IL1RAP: variants seen among roughly 807,000 people sequenced by gnomAD.
The protein encoded by IL1RAP is interleukin-1 receptor accessory protein.
In IL1RAP, 35 loss-of-function variants were observed where a neutral mutation model predicts 60.7. That is an observed-to-expected ratio of 0.58 (90% CI 0.44 to 0.76). The LOEUF is 0.76. Among genes scored for constraint, IL1RAP ranks in the 30% least tolerant of loss-of-function variants. The pLI is 0.00. For missense variants in IL1RAP, 572 were observed against 693.9 expected, an observed-to-expected ratio of 0.82 and a Z score of 1.97; for synonymous variants, 268 against 250.9, an observed-to-expected ratio of 1.07 and a Z score of -0.64.
intron 4 of IL1RAP, among the ~76,000 whole-genome samples, chr3:190,605,612 G>T (rs1379513272): frequency 3.9e-5 from 6 of 152,074 alleles, no homozygotes; most frequent in Admixed American, 6.6e-5. Flanking sequence ...CCTTCTCACA[G>T]TTCTGGAGGC....
chr3:190,614,380 C>T (rs1322599654), intron 5 of IL1RAP, among the ~76,000 whole-genome samples: 2 of 151,890 alleles, frequency 1.3e-5, no homozygotes, highest in African/African-American at 4.8e-5. Flanking sequence ...AGTAATCACA[C>T]GGCAGCGTGC....
exon 12 of IL1RAP, chr3:190,656,691 C>T (rs919075945): frequency 1.3e-6 from 1 of 758,646 alleles, no homozygotes; most frequent in Non-Finnish European, 2.1e-6. Flanking sequence ...ACATTTTTAT[C>T]ATCTAATGGA....
chr3:190,521,884 A>G (rs1722051315), intron 1 of IL1RAP, among the ~76,000 whole-genome samples: 1 of 152,092 alleles, frequency 6.6e-6, no homozygotes, highest in African/African-American at 2.4e-5. Context: ...ATCACCGTTA[A>G]TCTCCATAGT....
At chr3:190,600,155 C>T (rs1225694346) in intron 3 of IL1RAP, among the ~76,000 whole-genome samples, 6 of 152,182 alleles carry the variant, frequency 3.9e-5, no homozygotes, top group African/African-American at 1.4e-4. Context: ...CCGTGATGCT[C>T]GTTAAACTTG....
At position 190,623,097 on chromosome 3, in the gene IL1RAP, C is replaced by A. The variant is rs73062240; in HGVS notation, c.704-247C>A. ...CTATTACCCCTGTCACACAGGAAATCACAGGGGATTTAGGAGCCCATGTCA... is the reference window on the plus strand; with the variant it reads ...CTATTACCCCTGTCACACAGGAAATAACAGGGGATTTAGGAGCCCATGTCA... On this transcript the variant is annotated intron_variant, in intron 6 of 11. Transcript: ENST00000447382. Among the ~76,000 whole-genome samples the A allele has an allele frequency of 2.4e-3, 367 of 152,284 alleles. 2 individuals are homozygous for A. Among genetic ancestry groups the A allele is most frequent in the African/African-American group, 8.6e-3 (356 of 41,574 alleles).
intron 2 of IL1RAP, among the ~76,000 whole-genome samples, chr3:190,561,371 T>G (rs966316993): frequency 1.3e-5 from 2 of 152,206 alleles, no homozygotes; most frequent in African/African-American, 4.8e-5. Flanking sequence ...CGTTTCCTTT[T>G]CAGTCTGCTT....
chr3:190,558,193 T>C (rs1156532280), intron 2 of IL1RAP, among the ~76,000 whole-genome samples: 2 of 152,204 alleles, frequency 1.3e-5, no homozygotes, highest in Non-Finnish European at 2.9e-5. Context: ...ACTTGTAGAA[T>C]GACAATTGAA....
At chr3:190,634,200 C>A (rs1381779499) in intron 9 of IL1RAP, among the ~76,000 whole-genome samples, 1 of 151,890 alleles carries the variant, frequency 6.6e-6, no homozygotes, top group African/African-American at 2.4e-5. Context: ...AATAAACCCT[C>A]ATATTGTCAT....
intron 3 of IL1RAP, among the ~76,000 whole-genome samples, chr3:190,587,024 G>A (rs536316499): frequency 1.3e-5 from 2 of 152,252 alleles, no homozygotes; most frequent in Admixed American, 1.3e-4. Flanking sequence ...TCTTTTCTCT[G>A]AAAAACTGGC....
chr3:190,634,713 T>TTTTTG (rs1254879304), intron 9 of IL1RAP, among the ~76,000 whole-genome samples: 2 of 142,132 alleles, frequency 1.4e-5, no homozygotes, highest in African/African-American at 5.9e-5. Context: ...TTGTGTTTTT[T>TTTTTG]TTTTTGTTGT....
rs567084833 is a variant in IL1RAP, at chr3:190,528,809, T to G, written c.-89+14590T>G. On this transcript the variant is annotated intron_variant, in intron 1 of 11. Transcript: ENST00000447382. The stretch of plus-strand genomic sequence containing the variant: ...AAGGGCTTTATAAGGAAGTTGTATT[T>G]AAAGTGAGTCTTGAAGTGATGGACA... 2.6e-5 allele frequency among the ~76,000 whole-genome samples: 4 copies of G among 152,314 alleles called. No homozygotes were observed. The South Asian group carries it at 8.3e-4, about 32-fold the overall frequency.
At chr3:190,651,638 G>A (rs41537247), downstream of IL1RAP, 4,746 of 154,148 alleles carry the variant, frequency 0.031, 249 homozygotes, top group East Asian at 0.26. Flanking sequence ...TTAGTTAAGT[G>A]TCTTTCTGAG....
At chr3:190,561,126 G>A (rs3773986) in intron 2 of IL1RAP, among the ~76,000 whole-genome samples, 13,658 of 152,162 alleles carry the variant, frequency 0.09, 655 homozygotes, top group East Asian at 0.12. Flanking sequence ...CTGAGAATCT[G>A]TGTTTATTAC....
intron 1 of IL1RAP, among the ~76,000 whole-genome samples, chr3:190,523,611 A>G (rs1013426516): frequency 6.6e-6 from 1 of 152,176 alleles, no homozygotes; most frequent in Admixed American, 6.6e-5. Flanking sequence ...AAGTGAGAAC[A>G]TGCAGGATTA....
At chr3:190,580,435 G>C (rs1257608160) in intron 3 of IL1RAP, among the ~76,000 whole-genome samples, 1 of 152,180 alleles carries the variant, frequency 6.6e-6, no homozygotes, top group Non-Finnish European at 1.5e-5. Context: ...AATGGATAAA[G>C]AGAATGCATT....
intron 1 of IL1RAP, among the ~76,000 whole-genome samples, chr3:190,526,815 A>G (rs1006170251): frequency 1.3e-5 from 2 of 152,222 alleles, no homozygotes; most frequent in African/African-American, 2.4e-5. Context: ...TGTTTTATTA[A>G]CTTTCTTTTA....
Position 190,582,808 on chromosome 3 carries a change from G to A in IL1RAP, c.64+18455G>A, listed in dbSNP as rs375382167. The stretch of plus-strand genomic sequence containing the variant: ...GAATTAAATTTAAGTTCCTTACAGC[G>A]GCCTATATGCTCTTATATGTTCAAA... On this transcript the variant is annotated intron_variant, in intron 3 of 11. Coordinates refer to ENST00000447382, the MANE Select transcript of IL1RAP (RefSeq NM_002182.4). Among the ~76,000 whole-genome samples, 9 of 152,192 alleles carry A rather than the reference G, an allele frequency of 5.9e-5. No individual in the cohort carries two copies. The South Asian group carries it at 8.3e-4, about 14-fold the overall frequency.
At chr3:190,527,046 A>C (rs567750215) in intron 1 of IL1RAP, among the ~76,000 whole-genome samples, 1 of 152,270 alleles carries the variant, frequency 6.6e-6, no homozygotes, top group Admixed American at 6.5e-5. Context: ...AGCACTTCCA[A>C]CCTTGCCTGT....
At chr3:190,629,737 G>A (rs1321286524) in intron 9 of IL1RAP, 19 of 1,195,930 alleles carry the variant, frequency 1.6e-5, no homozygotes, top group South Asian at 1.1e-4. Flanking sequence ...AAAAATCGAC[G>A]TGAGTACAGT....
Sources: allele counts gnomAD v4.1 joint callset (sites outside exome capture counted in the v4.1 genomes callset), GRCh38; gene constraint gnomAD v4.1.1; transcripts MANE v1.5; gene names NCBI Gene and HGNC (gene_info 2026-07-23, HGNC 2026-07-21).